The following ACTR8 variants were observed in gnomAD, a reference collection of about 807,000 sequenced individuals.
ACTR8 encodes actin related protein 8.
Under a neutral mutation model 84.3 loss-of-function variants are expected in ACTR8, and 70 were observed. The ratio of observed to expected loss-of-function variants is 0.83; its 90% CI spans 0.68 to 1.01. The LOEUF is 1.01. Ranked by LOEUF, ACTR8 falls within the 50% of genes least tolerant of loss-of-function variation. The pLI is 0.00. For missense variants in ACTR8, 672 were observed against 775.4 expected (o/e 0.87, Z 1.58); for synonymous variants, 268 against 275.2 (o/e 0.97, Z 0.26).
downstream of ACTR8, among the ~76,000 whole-genome samples, chr3:53,862,495 C>T (rs1010364561): frequency 2.0e-5 from 3 of 152,140 alleles, no homozygotes; most frequent in Non-Finnish European, 1.5e-5. Context: ...ACAGGATTTA[C>T]AACAGAGCCA....
In ACTR8 at chr3:53,874,321, A is replaced by G; in HGVS notation, c.955T>C (p.Tyr319His). The change falls in exon 8 of 13, where the codon TAC (tyrosine) becomes CAC (histidine). Residue 319 changes from tyrosine (Y) to histidine (H), a missense_variant. Coordinates refer to ENST00000335754, the MANE Select transcript of ACTR8 (RefSeq NM_022899.5). ...AACCCAGCTCGCTGCATTAGCCAGTAAAAACATCTTGACACATCAGATCCT... is the reference window on the plus strand; with the variant it reads ...AACCCAGCTCGCTGCATTAGCCAGTGAAAACATCTTGACACATCAGATCCT... ...YGGSDVSRCF[Y>H]WLMQRAGFPY... The G allele has an allele frequency of 6.2e-7, 1 of 1,614,214 alleles. No individual in the cohort carries two copies.
At chr3:53,881,901 C>A in intron 1 of ACTR8, 78 bp downstream of exon 1, 1 of 1,544,192 alleles carries the variant, frequency 6.5e-7, no homozygotes, top group Admixed American at 2.0e-5. Flanking sequence ...CTCGAAGCCT[C>A]CCGCCGCCTC....
chr3:53,861,276 A>G, the ACTR8 span: 4 of 151,488 alleles, frequency 2.6e-5, no homozygotes, highest in East Asian at 7.8e-4. Flanking sequence ...AAGCAGTGTC[A>G]TGAAAAAAAG....
Position 53,868,652 on chromosome 3 carries a change from A to G in ACTR8, c.*67T>C. ...CAGATCAATAAATTACAATACACAT[A>G]TTCTGTAAGAGTCTTTTATACCAAG... On this transcript the variant is annotated 3_prime_UTR_variant, in exon 13 of 13. Transcript: ENST00000335754. 2 of 1,576,464 alleles carry G rather than the reference A, an allele frequency of 1.3e-6. No individual in the cohort carries two copies. The highest frequency in any genetic ancestry group is 2.4e-5 in the South Asian group (2 of 84,240).
rs1699872102 is a variant in ACTR8 at position 53,870,773 on chromosome 3, C to T, written c.1567+459G>A. Among the ~76,000 whole-genome samples the T allele has an allele frequency of 6.6e-6, 1 of 152,210 alleles. No individual in the cohort carries two copies. The highest frequency in any genetic ancestry group is 2.4e-5 in the African/African-American group (1 of 41,462). On this transcript the variant is annotated intron_variant, in intron 11 of 12. Transcript: ENST00000335754. This position sits in a 1 kb window ranked among gnomAD's most constrained non-coding sequence, Gnocchi z 4.1. Reference sequence around the variant, plus strand: ...CACAGGTCTTCACAGGCTTCTTCCTCTACCCCATCTGTGACTGCTAACTGA... The same window carrying T: ...CACAGGTCTTCACAGGCTTCTTCCTTTACCCCATCTGTGACTGCTAACTGA...
Position 53,872,497 on chromosome 3 carries a change from T to C in ACTR8, c.1189A>G (p.Thr397Ala), listed in dbSNP as rs377647744. Residue 397 changes from threonine to alanine, a missense_variant, in exon 10 of 13, where the codon ACT becomes GCT. Coordinates refer to ENST00000335754, the MANE Select transcript of ACTR8 (RefSeq NM_022899.5). ...QAPMALFYPA[T>A]FGIVGQKMTT... ...ATTTTCTGTCCAACGATTCCAAAAG[T>C]TGCGGGGTAAAACAAAGCCATTGGA... 3.7e-6 allele frequency: 6 copies of C among 1,610,132 alleles called. No homozygotes were observed. The highest frequency in any genetic ancestry group is 5.1e-6 in the Non-Finnish European group (6 of 1,178,696).
Position 53,882,073 on chromosome 3 carries a change from TC to T in ACTR8, c.28del (p.Glu10ArgfsTer17). On this transcript the variant is annotated frameshift_variant, in exon 1 of 13. Transcript: ENST00000335754. LOFTEE classifies it high-confidence loss of function. ...CTCGCCGCCCTTCTCCTTTCCGTTC[TC>T]CGTATCACCCTTCTCAGCCTGGGTC... is the stretch of plus-strand genomic sequence containing the variant. MTQAEKGDT[E>X]NGKEKGGEKE... 1 of 1,551,642 alleles carries T rather than the reference TC, an allele frequency of 6.4e-7. No homozygotes were observed. Among genetic ancestry groups the T allele is most frequent in the Non-Finnish European group, 8.7e-7 (1 of 1,146,860 alleles).
downstream of ACTR8, among the ~76,000 whole-genome samples, chr3:53,866,083 A>ATT (rs1275521665): frequency 6.6e-6 from 1 of 152,276 alleles, no homozygotes; most frequent in African/African-American, 2.4e-5. Context: ...TAAATGAGTT[A>ATT]TTATAATGGT....
chr3:53,877,446 G>A, intron 4 of ACTR8, 59 bp from the exon 5 acceptor site: 1 of 1,497,336 alleles, frequency 6.7e-7, no homozygotes, highest in Non-Finnish European at 9.0e-7. Flanking sequence ...AGGTTTTCTG[G>A]ATTCATATCC....
At chr3:53,876,865 T>G in intron 5 of ACTR8, 152 bp from the exon 6 acceptor site, 1 of 476,926 alleles carries the variant, frequency 2.1e-6, no homozygotes, top group Non-Finnish European at 3.7e-6. Context: ...CCTTTGGGTT[T>G]TATAAGGAAA....
At chr3:53,873,537 T>G (rs974139012) in intron 8 of ACTR8, among the ~76,000 whole-genome samples, 1 of 152,252 alleles carries the variant, frequency 6.6e-6, no homozygotes, top group Non-Finnish European at 1.5e-5. Context: ...CATTGATTGT[T>G]TGCAATATTA....
chr3:53,876,829 G>C (rs1006901529), intron 5 of ACTR8, 116 bp from the exon 6 acceptor site: 2 of 565,194 alleles, frequency 3.5e-6, no homozygotes, highest in Non-Finnish European at 6.2e-6. Context: ...TACACACCCA[G>C]ATTAAAGCTC....
At chr3:53,877,000 A>C (rs1462409641) in intron 5 of ACTR8, among the ~76,000 whole-genome samples, 1 of 152,132 alleles carries the variant, frequency 6.6e-6, no homozygotes, top group Admixed American at 6.5e-5. Flanking sequence ...TGCTGATTCG[A>C]GTAATAGAGA....
At chr3:53,876,547 A>T in intron 6 of ACTR8, 73 bp downstream of exon 6, 1 of 856,672 alleles carries the variant, frequency 1.2e-6, no homozygotes, top group Non-Finnish European at 1.9e-6. Flanking sequence ...ATAAGTCAGT[A>T]AATAAGATTA....
At chr3:53,860,114 G>C in the ACTR8 span, 4 of 1,598,554 alleles carry the variant, frequency 2.5e-6, no homozygotes, top group Non-Finnish European at 3.4e-6. Flanking sequence ...AGGTGAATAA[G>C]CTTTGTTTTT....
chr3:53,859,806 G>A, the ACTR8 span: 1 of 187,596 alleles, frequency 5.3e-6, no homozygotes, highest in Non-Finnish European at 1.1e-5. Context: ...GATATGATTG[G>A]CAGACTCTCT....
At chr3:53,874,632 G>A (rs1409386896) in intron 7 of ACTR8, among the ~76,000 whole-genome samples, 1 of 151,976 alleles carries the variant, frequency 6.6e-6, no homozygotes, top group Non-Finnish European at 1.5e-5. Context: ...GCTGAGGCAC[G>A]AGAATTGCTT....
chr3:53,877,580 C>T lies in ACTR8; in HGVS notation c.510+67G>A, dbSNP rs186970147. On this transcript the variant is annotated intron_variant, in intron 4 of 12. Transcript: ENST00000335754. ...GGAAACAACTAGGACTGGGTGGCAA[C>T]GTAAATGAATTTTAGGAGGAGGATC... 107 of 1,522,136 alleles carry T rather than the reference C, an allele frequency of 7.0e-5. No homozygotes were observed. In the African/African-American group the frequency reaches 1.2e-3, roughly 17 times the overall value. 94.3% of individuals were successfully genotyped at this position (1,522,136 alleles called of 1,614,324 possible). A position where few individuals can be genotyped will look rare whatever the true frequency, so the allele number is the denominator to read the frequency against.
chr3:53,875,661 A>G (rs1174213908), intron 7 of ACTR8, among the ~76,000 whole-genome samples: 1 of 152,254 alleles, frequency 6.6e-6, no homozygotes, highest in African/African-American at 2.4e-5. Flanking sequence ...AAAGACACGA[A>G]GCTACTGTTT....
Sources: gnomAD v4.1 joint callset for allele counts (sites outside exome capture counted in the v4.1 genomes callset) on GRCh38, gnomAD v4.1.1 for gene constraint, Gnocchi (gnomAD v3.1) non-coding constraint, MANE v1.5 for transcripts, NCBI Gene and HGNC (gene_info 2026-07-23, HGNC 2026-07-21) for gene names.